DLGAP1: variants seen among roughly 807,000 people sequenced by gnomAD.
DLGAP1 encodes the protein DLG associated protein 1.
A neutral mutation model predicts 90.8 loss-of-function variants in DLGAP1; 11 were observed. The observed-to-expected ratio is 0.12, with a 90% confidence interval of 0.08 to 0.20. The LOEUF (loss-of-function observed/expected upper bound fraction) is 0.20. Among genes scored for constraint, DLGAP1 ranks in the 10% least tolerant of loss-of-function variants. DLGAP1 has a pLI of 1.00. For synonymous variants in DLGAP1, 558 were observed against 540.7 expected (o/e 1.03, Z -0.44); for missense variants, 1,050 against 1,333.8 (o/e 0.79, Z 3.31).
At chr18:3,763,209 A>G (rs550180363) in intron 5 of DLGAP1, among the ~76,000 whole-genome samples, 244 of 152,318 alleles carry the variant, frequency 1.6e-3, no homozygotes, top group African/African-American at 5.6e-3. Context: ...AAGAACGTGG[A>G]AAGACTAGAC....
At chr18:3,743,804 C>A (rs1410309568) in intron 5 of DLGAP1, among the ~76,000 whole-genome samples, 3 of 152,102 alleles carry the variant, frequency 2.0e-5, no homozygotes, top group Non-Finnish European at 4.4e-5. Flanking sequence ...TACACACCAC[C>A]ATGCCTGGCT....
chr18:4,057,880 C>T (rs1178833749), intron 2 of DLGAP1, among the ~76,000 whole-genome samples: 3 of 152,172 alleles, frequency 2.0e-5, no homozygotes, highest in Admixed American at 2.0e-4. Context: ...TTTTCTCCTC[C>T]CCTTTCACTA....
intron 1 of DLGAP1, among the ~76,000 whole-genome samples, chr18:4,209,400 C>A (rs938549986): frequency 6.6e-6 from 1 of 152,192 alleles, no homozygotes; most frequent in Admixed American, 6.5e-5. Flanking sequence ...CGAGTCAAAG[C>A]CTGCTCTTTC....
At chr18:3,750,111 C>G (rs1192619628) in intron 5 of DLGAP1, among the ~76,000 whole-genome samples, 1 of 152,136 alleles carries the variant, frequency 6.6e-6, no homozygotes, top group South Asian at 2.1e-4. Context: ...GTCTTTCGAC[C>G]CTTGTCCCCT....
At chr18:3,835,489 AAC>A (rs1321438071) in intron 4 of DLGAP1, among the ~76,000 whole-genome samples, 2 of 151,948 alleles carry the variant, frequency 1.3e-5, no homozygotes, top group East Asian at 1.9e-4. Context: ...CTCTACTAAA[AAC>A]ACAAAAAATT....
At chr18:4,372,546 G>T (rs1230507831) in intron 1 of DLGAP1, among the ~76,000 whole-genome samples, 2 of 152,224 alleles carry the variant, frequency 1.3e-5, no homozygotes, top group Admixed American at 6.5e-5. Context: ...AAGGGGTATA[G>T]ATTTGTGGAC....
chr18:4,354,150 G>GGCCTTCTGCCCTTCTTTCTC lies in DLGAP1; in HGVS notation c.-267+100836_-267+100855dup, dbSNP rs1291997418. 1.3e-5 allele frequency among the ~76,000 whole-genome samples: 2 copies of GGCCTTCTGCCCTTCTTTCTC among 152,112 alleles called. 1 individual carries two copies. Among genetic ancestry groups the GGCCTTCTGCCCTTCTTTCTC allele is most frequent in the East Asian group, 3.9e-4 (2 of 5,186 alleles). ...GGCCTCAAAAGCAAAGCCTCTTTCT[G>GGCCTTCTGCCCTTCTTTCTC]GCCTTCTGCCCTTCTTTCTCCTACT... On this transcript the variant is annotated intron_variant, in intron 1 of 12. Coordinates refer to ENST00000315677, the MANE Select transcript of DLGAP1 (RefSeq NM_004746.4).
intron 2 of DLGAP1, among the ~76,000 whole-genome samples, chr18:4,109,262 G>A (rs1325816840): frequency 6.6e-6 from 1 of 151,896 alleles, no homozygotes; most frequent in Non-Finnish European, 1.5e-5. Context: ...ACCTATGCCA[G>A]CTTTTAAAAG....
chr18:3,957,113 GGA>G (rs1329670020), intron 3 of DLGAP1, among the ~76,000 whole-genome samples: 2 of 152,174 alleles, frequency 1.3e-5, no homozygotes, highest in African/African-American at 4.8e-5. Flanking sequence ...CTCGAGATGT[GGA>G]GATTATCCTG....
At chr18:3,994,377 C>A (rs1413558794) in intron 3 of DLGAP1, among the ~76,000 whole-genome samples, 3 of 152,228 alleles carry the variant, frequency 2.0e-5, no homozygotes, top group Non-Finnish European at 4.4e-5. Context: ...GTGCTTGTCT[C>A]TGGGTACCTC....
intron 4 of DLGAP1, among the ~76,000 whole-genome samples, chr18:3,843,912 G>A (rs2068859937): frequency 6.6e-6 from 1 of 152,146 alleles, no homozygotes; most frequent in Non-Finnish European, 1.5e-5. Flanking sequence ...GATATTTTGG[G>A]TGGAAGTAAG....
At chr18:3,882,982 G>T (rs533580625) in intron 3 of DLGAP1, among the ~76,000 whole-genome samples, 1 of 152,198 alleles carries the variant, frequency 6.6e-6, no homozygotes, top group African/African-American at 2.4e-5. Flanking sequence ...GGTGGCTCAC[G>T]CCTGTAATCC....
chr18:4,436,218 T>C (rs1470040324), intron 1 of DLGAP1, among the ~76,000 whole-genome samples: 1 of 152,082 alleles, frequency 6.6e-6, no homozygotes, highest in African/African-American at 2.4e-5. Flanking sequence ...TTCTTTTTTT[T>C]CTCATGCAAA....
intron 1 of DLGAP1, among the ~76,000 whole-genome samples, chr18:4,316,006 G>A (rs906113763): frequency 6.6e-6 from 1 of 152,086 alleles, no homozygotes; most frequent in Non-Finnish European, 1.5e-5. Context: ...TAAACACAAA[G>A]AAAAACATAA....
intron 1 of DLGAP1, among the ~76,000 whole-genome samples, chr18:4,391,217 G>A (rs2082333396): frequency 1.3e-5 from 2 of 152,106 alleles, no homozygotes; most frequent in African/African-American, 4.8e-5. Flanking sequence ...CAACAGCACT[G>A]AGCAGGAGGC....
At chr18:3,542,170 C>A (rs1480954124) in intron 9 of DLGAP1, among the ~76,000 whole-genome samples, 1 of 152,200 alleles carries the variant, frequency 6.6e-6, no homozygotes, top group Non-Finnish European at 1.5e-5. Flanking sequence ...GGTTGCTCCA[C>A]CAACAGAAGA....
At chr18:4,449,603 T>C (rs2083766806) in intron 1 of DLGAP1, among the ~76,000 whole-genome samples, 3 of 152,204 alleles carry the variant, frequency 2.0e-5, no homozygotes, top group Admixed American at 2.0e-4. Context: ...CCAGGTGCTG[T>C]GCTAGGCATC....
intron 7 of DLGAP1, among the ~76,000 whole-genome samples, chr18:3,584,636 G>A (rs2055764945): frequency 6.6e-6 from 1 of 152,164 alleles, no homozygotes; most frequent in Non-Finnish European, 1.5e-5. Context: ...CTCTGGGATG[G>A]GGAAAGACAA....
At chr18:3,771,851 A>AAG (rs1338948000) in intron 5 of DLGAP1, among the ~76,000 whole-genome samples, 1 of 151,306 alleles carries the variant, frequency 6.6e-6, no homozygotes, top group Non-Finnish European at 1.5e-5. Context: ...AAAAAAAAAA[A>AAG]AATCCATGTG....
Sources: gnomAD v4.1 joint callset for allele counts (sites outside exome capture counted in the v4.1 genomes callset) on GRCh38, gnomAD v4.1.1 for gene constraint, MANE v1.5 for transcripts, NCBI Gene and HGNC (gene_info 2026-07-23, HGNC 2026-07-21) for gene names.